The following FES variants were observed in gnomAD, a reference collection of about 807,000 sequenced individuals.
FES encodes the protein FES proto-oncogene, tyrosine kinase.
FES carries 83 observed loss-of-function variants against 109.6 expected under a neutral mutation model. The ratio of observed to expected loss-of-function variants is 0.76; its 90% CI spans 0.63 to 0.91. The LOEUF (loss-of-function observed/expected upper bound fraction) is 0.91, where lower values mean the gene tolerates loss of function less well. Among genes scored for constraint, FES ranks in the 40% least tolerant of loss-of-function variants. The pLI is 0.00. For synonymous variants in FES, 458 were observed against 442.1 expected, an observed-to-expected ratio of 1.04 and a Z score of -0.45; for missense variants, 943 against 1,070.9, an observed-to-expected ratio of 0.88 and a Z score of 1.67.
At position 90,893,130 on chromosome 15, in the gene FES, C is replaced by T. The variant is rs147098559; in HGVS notation, c.1857C>T (p.Ile619=). The T allele has an allele frequency of 1.2e-4, 190 of 1,613,944 alleles. No homozygotes were observed. The East Asian group carries it at 2.0e-3, about 17-fold the overall frequency. The change falls in exon 15 of 19, where the codon ATC becomes ATT. Residue 619 remains isoleucine, a synonymous_variant. Transcript: ENST00000328850. ...RILKQYSHPN[I]VRLIGVCTQK... is the part of the protein sequence containing the mutation. ...TGAAGCAGTACAGCCACCCCAACAT[C>T]GTGCGTCTCATTGGTGTCTGCACCC...
intron 5 of FES, among the ~76,000 whole-genome samples, chr15:90,887,932 G>A (rs2032815882): frequency 6.6e-6 from 1 of 152,148 alleles, no homozygotes; most frequent in Non-Finnish European, 1.5e-5. Flanking sequence ...GGGACTAATA[G>A]CCAGGAACCA....
chr15:90,888,837 G>T (rs1284463672), intron 5 of FES, among the ~76,000 whole-genome samples: 1 of 151,636 alleles, frequency 6.6e-6, no homozygotes, highest in African/African-American at 2.4e-5. Flanking sequence ...GAGTGCAGTG[G>T]CGCGATCTTG....
At chr15:90,895,362 C>T (rs202222586) in intron 18 of FES, 54 bp from the exon 19 acceptor site, 85 of 1,440,954 alleles carry the variant, frequency 5.9e-5, no homozygotes, top group Admixed American at 3.2e-4. Flanking sequence ...CAGAGTCTGC[C>T]GAGGACCCTC....
chr15:90,888,231 G>A (rs144979467), intron 5 of FES, among the ~76,000 whole-genome samples: 4,251 of 152,230 alleles, frequency 0.028, 93 homozygotes, highest in Middle Eastern at 0.048. Context: ...TCAGCCTCCC[G>A]AGTAGCTGGA....
chr15:90,884,827 G>T (rs530408261), intron 1 of FES: 1 of 547,060 alleles, frequency 1.8e-6, no homozygotes, highest in Non-Finnish European at 3.3e-6. Flanking sequence ...CCGAACGTGC[G>T]GAGGAGACCC....
intron 12 of FES, 39 bp downstream of exon 12, chr15:90,891,715 A>G (rs766866784): frequency 7.4e-6 from 12 of 1,611,838 alleles, no homozygotes; most frequent in Admixed American, 1.7e-5. Flanking sequence ...CACCTGTGGC[A>G]GGGCTTGGGG....
At chr15:90,886,859 C>A in intron 3 of FES, 102 bp from the exon 4 acceptor site, 1 of 1,035,022 alleles carries the variant, frequency 9.7e-7, no homozygotes, top group Non-Finnish European at 1.5e-6. Flanking sequence ...TCTCCAGGTG[C>A]TCCTTGCCTG....
chr15:90,890,430 C>CACGCTGGA lies in FES; in HGVS notation c.1267_1274dup (p.Ile426ArgfsTer109). On this transcript the variant is annotated frameshift_variant, in exon 10 of 19. Coordinates refer to ENST00000328850, the MANE Select transcript of FES (RefSeq NM_002005.4). LOFTEE classifies it high-confidence loss of function. ...AGGAGCGAGAGGGGGGAAGGACACC[C>CACGCTGGA]ACGCTGGAGATCCTTAAGAGCCACA... 1 of 1,613,268 alleles carries CACGCTGGA rather than the reference C, an allele frequency of 6.2e-7. No individual in the cohort carries two copies. The highest frequency in any genetic ancestry group is 8.5e-7 in the Non-Finnish European group (1 of 1,179,910).
At chr15:90,891,331 C>G (rs1020402719) in intron 11 of FES, 140 bp downstream of exon 11, 1 of 1,146,506 alleles carries the variant, frequency 8.7e-7, no homozygotes. Flanking sequence ...GAAGGGGCCA[C>G]AGAGACCACC....
Position 90,892,823 on chromosome 15 carries a change from G to C in FES, c.1824G>C (p.Ala608=). The C allele has an allele frequency of 6.2e-7, 1 of 1,613,158 alleles. No individual in the cohort carries two copies. Residue 608 remains alanine (A), a splice_region_variant and synonymous_variant, in exon 14 of 19, where the codon GCG becomes GCC. Coordinates refer to ENST00000328850, the MANE Select transcript of FES (RefSeq NM_002005.4). ...TCAAGGCCAAGTTTCTACAGGAAGCGAGGTGGGTGATAAACTAATGATCAC... is the reference window on the plus strand; with the variant it reads ...TCAAGGCCAAGTTTCTACAGGAAGCCAGGTGGGTGATAAACTAATGATCAC... ...PDLKAKFLQE[A]RILKQYSHPN...
At chr15:90,887,661 G>T (rs1244375434) in intron 5 of FES, among the ~76,000 whole-genome samples, 1 of 152,178 alleles carries the variant, frequency 6.6e-6, no homozygotes, top group Non-Finnish European at 1.5e-5. Context: ...GGGATCTTTC[G>T]TGTTAGTGGA....
rs2033502891 is a variant in FES, at chr15:90,894,210, GA to G, written c.2326+153del. On this transcript the variant is annotated intron_variant, in intron 18 of 18. Transcript: ENST00000328850. ...CACGCCTGTCATCCCAGCACTTTGG[GA>G]GGCTGAGCTGGGTGGATCACTTGAG... The G allele has an allele frequency of 1.2e-5, 11 of 908,904 alleles. No individual in the cohort carries two copies. The South Asian group carries it at 1.6e-4, about 13-fold the overall frequency. The allele number at this position is 908,904 out of a possible 1,614,324, so 56.3% of individuals were successfully genotyped here.
chr15:90,890,608 C>A, intron 10 of FES, 124 bp downstream of exon 10: 1 of 902,000 alleles, frequency 1.1e-6, no homozygotes, highest in South Asian at 1.6e-5. Flanking sequence ...CCTGGGATTC[C>A]AGGCTGCAGA....
At chr15:90,893,245 G>A in intron 15 of FES, 46 bp from the exon 16 acceptor site, 1 of 1,613,116 alleles carries the variant, frequency 6.2e-7, no homozygotes, top group Non-Finnish European at 8.5e-7. Context: ...TGGTCAGGTG[G>A]CAGCCTTACC....
intron 17 of FES, 48 bp from the exon 18 acceptor site, chr15:90,893,888 C>G: frequency 6.2e-7 from 1 of 1,611,532 alleles, no homozygotes; most frequent in Non-Finnish European, 8.5e-7. Context: ...CGCCCTGGCC[C>G]CAGGGAGGGT....
At position 90,885,448 on chromosome 15, in the gene FES, A is replaced by G. The variant is rs2032499860; in HGVS notation, c.250A>G (p.Ser84Gly). 1 of 1,613,188 alleles carries G rather than the reference A, an allele frequency of 6.2e-7. No individual in the cohort carries two copies. Among genetic ancestry groups the G allele is most frequent in the Non-Finnish European group, 8.5e-7 (1 of 1,180,016 alleles). Residue 84 changes from serine to glycine, a missense_variant, in exon 3 of 19, where the codon AGC (serine) becomes GGC (glycine). By Grantham distance (56) the Ser-to-Gly change is moderately conservative (BLOSUM62 0). Coordinates refer to ENST00000328850, the MANE Select transcript of FES (RefSeq NM_002005.4). ...GATCACCAGCCAAACTGAGGGCCTG[A>G]GCCGCTTGCTGCGGCAGCACGCAGA... Reference protein sequence around the residue: ...AEITSQTEGLSRLLRQHAEDL... With the variant: ...AEITSQTEGLGRLLRQHAEDL...
intron 5 of FES, among the ~76,000 whole-genome samples, chr15:90,888,957 T>G (rs1348458598): frequency 2.0e-5 from 3 of 151,882 alleles, no homozygotes; most frequent in African/African-American, 7.3e-5. Flanking sequence ...GGCTAATTTT[T>G]GTATTTGCTT....
intron 13 of FES, chr15:90,892,314 C>T: frequency 1.6e-6 from 1 of 635,938 alleles, no homozygotes. Context: ...ACAGCTCTGC[C>T]AGCACCCTGA....
Position 90,890,173 on chromosome 15 carries a change from G to A in FES, c.1131G>A (p.Leu377=). The change falls in exon 9 of 19, where the codon CTG becomes CTA. Residue 377 remains leucine, a synonymous_variant. Transcript: ENST00000328850. ...LQVALCSQAK[L]QAQQELLQTK... ...TAGCGCTGTGCAGCCAGGCCAAGCT[G>A]CAGGCCCAGCAGGAGTTGCTGCAGA... The A allele has an allele frequency of 6.2e-7, 1 of 1,600,628 alleles. No individual in the cohort carries two copies. Among genetic ancestry groups the A allele is most frequent in the African/African-American group, 1.3e-5 (1 of 74,970 alleles).
Sources: allele counts gnomAD v4.1 joint callset (sites outside exome capture counted in the v4.1 genomes callset), GRCh38; gene constraint gnomAD v4.1.1; transcripts MANE v1.5; gene names NCBI Gene and HGNC (gene_info 2026-07-23, HGNC 2026-07-21).